The following DKKL1 variants were observed in gnomAD, a reference collection of about 807,000 sequenced individuals.
DKKL1 encodes the protein dickkopf-like protein 1.
DKKL1 carries 11 observed loss-of-function variants against 16.5 expected under a neutral mutation model. The observed-to-expected ratio is 0.67, with a 90% confidence interval of 0.42 to 1.10. The LOEUF is 1.10. DKKL1 is among the 50% of genes least tolerant of loss of function. DKKL1 has a pLI of 0.00. For synonymous variants in DKKL1, 119 were observed against 133.2 expected (o/e 0.89, Z 0.73); for missense variants, 320 against 308.1 (o/e 1.04, Z -0.29).
intron 3 of DKKL1, 41 bp from the exon 4 acceptor site, chr19:49,365,752 G>T: frequency 1.2e-6 from 2 of 1,607,506 alleles, no homozygotes; most frequent in Non-Finnish European, 1.7e-6. Context: ...GGCGGAGGAG[G>T]AAAGCAGGTT....
At chr19:49,364,227 G>A (rs1391532775) in intron 1 of DKKL1, among the ~76,000 whole-genome samples, 1 of 151,998 alleles carries the variant, frequency 6.6e-6, no homozygotes, top group Non-Finnish European at 1.5e-5. Flanking sequence ...GCGCGCGCCT[G>A]TGGTCCCAGC....
intron 4 of DKKL1, among the ~76,000 whole-genome samples, chr19:49,366,557 A>T (rs1973256763): frequency 6.6e-6 from 1 of 152,036 alleles, no homozygotes; most frequent in Admixed American, 6.6e-5. Flanking sequence ...ATAAACCCCA[A>T]ATTGTGTTTT....
chr19:49,364,412 G>T (rs1190999256), intron 1 of DKKL1, among the ~76,000 whole-genome samples, 170 bp from the exon 2 acceptor site: 1 of 152,086 alleles, frequency 6.6e-6, no homozygotes, highest in African/African-American at 2.4e-5. Flanking sequence ...AGAAGACGGG[G>T]CCTGGCAAGG....
chr19:49,365,856 G>A lies in DKKL1; in HGVS notation c.388G>A (p.Ala130Thr), dbSNP rs974428615. The change falls in exon 4 of 5, where the codon GCG becomes ACG. Residue 130 changes from alanine (A) to threonine (T), a missense_variant. By Grantham distance (58) the Ala-to-Thr change is moderately conservative. Coordinates refer to ENST00000221498, the MANE Select transcript of DKKL1 (RefSeq NM_014419.4). ...SENVVASIQP[A>T]EGSFEGDLKV... ...GAATGTGGTGGCATCCATTCAACCAGCGGAGGGGAGCTTCGAGGGTGATTT... is the reference window on the plus strand; with the variant it reads ...GAATGTGGTGGCATCCATTCAACCAACGGAGGGGAGCTTCGAGGGTGATTT... 1.2e-6 allele frequency: 2 copies of A among 1,614,040 alleles called. No individual in the cohort carries two copies. Among genetic ancestry groups the A allele is most frequent in the Non-Finnish European group, 1.7e-6 (2 of 1,180,036 alleles).
chr19:49,371,996 T>C (rs78281952), intron 4 of DKKL1, among the ~76,000 whole-genome samples: 39,255 of 152,112 alleles, frequency 0.26, 5,280 homozygotes, highest in African/African-American at 0.31. Flanking sequence ...ATATGTGCCA[T>C]GTTTTCTTTA....
chr19:49,365,366 C>A, intron 2 of DKKL1, 143 bp from the exon 3 acceptor site: 1 of 954,958 alleles, frequency 1.0e-6, no homozygotes, highest in Non-Finnish European at 1.5e-6. Context: ...GGAGGTTAGG[C>A]CCTAAGTATC....
rs896198688 is a variant in DKKL1, at chr19:49,365,893, C to T, written c.417+8C>T. 1.9e-6 allele frequency: 3 copies of T among 1,611,574 alleles called. No individual in the cohort carries two copies. The highest frequency in any genetic ancestry group is 1.7e-5 in the Admixed American group (1 of 59,436). ...TTCGAGGGTGATTTGAAGGTTAGGA[C>T]GTGCCCCGCCGTCAAAGTGTCCAGG... On this transcript the variant is annotated splice_region_variant and intron_variant, in intron 4 of 4. Coordinates refer to ENST00000221498, the MANE Select transcript of DKKL1 (RefSeq NM_014419.4).
intron 4 of DKKL1, among the ~76,000 whole-genome samples, chr19:49,368,012 C>T (rs576875232): frequency 1.5e-4 from 23 of 151,654 alleles, no homozygotes; most frequent in Non-Finnish European, 2.4e-4. Flanking sequence ...TTCATCTCTA[C>T]AAAAAAATTT....
chr19:49,371,709 G>T (rs1447839527), intron 4 of DKKL1, among the ~76,000 whole-genome samples: 1 of 152,018 alleles, frequency 6.6e-6, no homozygotes, highest in Non-Finnish European at 1.5e-5. Context: ...ATGGTGGTTT[G>T]CTGTACCCAT....
intron 4 of DKKL1, among the ~76,000 whole-genome samples, chr19:49,373,054 A>G (rs1600856379): frequency 6.6e-6 from 1 of 151,854 alleles, no homozygotes. Context: ...CTGTAATCCC[A>G]GCACTTTGGG....
chr19:49,374,877 AGCGACACCGCCT>A lies in DKKL1; in HGVS notation c.581_592del (p.Arg194_Leu197del), dbSNP rs767425675. ...GAGGGCGGCCACTGGCTCAGCGAGA[AGCGACACCGCCT>A]GCAGGCCATCCGGGATGGACTCCGC... On this transcript the variant is annotated inframe_deletion, in exon 5 of 5. Transcript: ENST00000221498. The A allele has an allele frequency of 1.9e-6, 3 of 1,613,976 alleles. No individual in the cohort carries two copies. Among genetic ancestry groups the A allele is most frequent in the Non-Finnish European group, 2.5e-6 (3 of 1,179,960 alleles).
chr19:49,362,755 A>T (rs1973044752), upstream of DKKL1, among the ~76,000 whole-genome samples: 1 of 149,830 alleles, frequency 6.7e-6, no homozygotes, highest in Non-Finnish European at 1.5e-5. Flanking sequence ...CTGGAGAGAG[A>T]TATGGGCTCC....
chr19:49,371,825 T>A (rs926258097), intron 4 of DKKL1, among the ~76,000 whole-genome samples: 1 of 150,814 alleles, frequency 6.6e-6, no homozygotes, highest in African/African-American at 2.4e-5. Flanking sequence ...CCTGTGTCCA[T>A]GTGTTCTCAT....
At chr19:49,364,122 G>A (rs2146757886) in intron 1 of DKKL1, 114 bp downstream of exon 1, 1 of 1,417,562 alleles carries the variant, frequency 7.1e-7, no homozygotes, top group African/African-American at 1.4e-5. Context: ...GGCCCAGGTG[G>A]GCGGATCGCT....
Position 49,374,922 on chromosome 19 carries a change from C to A in DKKL1, c.623C>A (p.Thr208Asn), listed in dbSNP as rs532043098. The change falls in exon 5 of 5, where the codon ACC (threonine) becomes AAC (asparagine). Residue 208 changes from threonine (T) to asparagine (N), a missense_variant. Physicochemically the swap from Thr to Asn is moderately conservative, Grantham distance 65. Coordinates refer to ENST00000221498, the MANE Select transcript of DKKL1 (RefSeq NM_014419.4). ...QAIRDGLRKG[T>N]HKDVLEEGTE... ...ATCCGGGATGGACTCCGCAAGGGGACCCACAAGGACGTCCTAGAAGAGGGG... is the reference window on the plus strand; with the variant it reads ...ATCCGGGATGGACTCCGCAAGGGGAACCACAAGGACGTCCTAGAAGAGGGG... The A allele has an allele frequency of 1.2e-6, 2 of 1,613,838 alleles. No homozygotes were observed. Among genetic ancestry groups the A allele is most frequent in the Non-Finnish European group, 1.7e-6 (2 of 1,179,954 alleles).
intron 4 of DKKL1, among the ~76,000 whole-genome samples, chr19:49,367,406 C>CTTTTTTTT (rs10648468): frequency 5.3e-5 from 7 of 131,798 alleles, no homozygotes; most frequent in African/African-American, 1.7e-4. Context: ...CTTTGGTAAA[C>CTTTTTTTT]TTTTTTTTTT....
At position 49,374,854 on chromosome 19, in the gene DKKL1, G is replaced by A. The variant is rs773837258; in HGVS notation, c.555G>A (p.Glu185=). 6.2e-7 allele frequency: 1 copy of A among 1,613,822 alleles called. No homozygotes were observed. The highest frequency in any genetic ancestry group is 8.5e-7 in the Non-Finnish European group (1 of 1,179,938). The change falls in exon 5 of 5, where the codon GAG becomes GAA. Residue 185 remains glutamate, a synonymous_variant. Coordinates refer to ENST00000221498, the MANE Select transcript of DKKL1 (RefSeq NM_014419.4). ...GGAGGTCCCACCAGGATGCCCTGGA[G>A]GGCGGCCACTGGCTCAGCGAGAAGC... is the stretch of plus-strand genomic sequence containing the variant. ...PRRRSHQDAL[E]GGHWLSEKRH...
At chr19:49,361,854 A>T (rs1568586898), upstream of DKKL1, 2 of 152,706 alleles carry the variant, frequency 1.3e-5, no homozygotes, top group Non-Finnish European at 2.9e-5. Context: ...CGTAGGCCAA[A>T]ATCCCAGCCC....
At chr19:49,365,226 GA>G (rs1365819473) in intron 2 of DKKL1, among the ~76,000 whole-genome samples, 1 of 136,506 alleles carries the variant, frequency 7.3e-6, no homozygotes, top group Non-Finnish European at 1.6e-5. Context: ...GGCAAAGAGA[GA>G]GGAGATGGGA....
Sources: gnomAD v4.1 joint callset for allele counts (sites outside exome capture counted in the v4.1 genomes callset) on GRCh38, gnomAD v4.1.1 for gene constraint, MANE v1.5 for transcripts, NCBI Gene and HGNC (gene_info 2026-07-23, HGNC 2026-07-21) for gene names.